MAST2: variants seen among roughly 807,000 people sequenced by gnomAD.
The protein encoded by MAST2 is microtubule associated serine/threonine kinase 2, also known as microtubule-associated serine/threonine-protein kinase 2.
A neutral mutation model predicts 147.4 loss-of-function variants in MAST2; 70 were observed. The observed-to-expected ratio is 0.47, with a 90% CI of 0.39 to 0.58. MAST2 has a LOEUF of 0.58. Ranked by LOEUF, MAST2 falls within the 20% of genes least tolerant of loss-of-function variation. The pLI is 0.00. For missense variants in MAST2, 2,080 were observed against 2,302.3 expected, an observed-to-expected ratio of 0.90 and a Z score of 1.98; for synonymous variants, 869 against 896.8, an observed-to-expected ratio of 0.97 and a Z score of 0.55.
intron 1 of MAST2, among the ~76,000 whole-genome samples, chr1:45,820,237 ACT>A (rs1261474223): frequency 6.6e-6 from 1 of 152,208 alleles, no homozygotes; most frequent in Non-Finnish European, 1.5e-5. Flanking sequence ...TAAACTGCAA[ACT>A]CTGAAACTAC....
chr1:45,852,813 T>C (rs954398692), intron 3 of MAST2, among the ~76,000 whole-genome samples: 2 of 120,550 alleles, frequency 1.7e-5, no homozygotes, highest in African/African-American at 5.9e-5. Context: ...AGTATTCCAT[T>C]GTATGGTCAC....
At chr1:45,977,500 C>A (rs939898369) in intron 5 of MAST2, among the ~76,000 whole-genome samples, 5 of 150,514 alleles carry the variant, frequency 3.3e-5, no homozygotes, top group African/African-American at 1.2e-4. Flanking sequence ...AACAAACAAA[C>A]AAACAAACAA....
At chr1:45,973,870 T>C (rs979996645) in intron 5 of MAST2, among the ~76,000 whole-genome samples, 3 of 152,194 alleles carry the variant, frequency 2.0e-5, no homozygotes, top group African/African-American at 7.2e-5. Flanking sequence ...AGTGTTGACA[T>C]TGATTAGCTG....
At chr1:45,905,625 A>G (rs1234696424) in intron 4 of MAST2, among the ~76,000 whole-genome samples, 1 of 152,154 alleles carries the variant, frequency 6.6e-6, no homozygotes, top group African/African-American at 2.4e-5. Context: ...AAACACAAAA[A>G]ATTAGCTGGG....
At chr1:46,015,832 A>G (rs1389637474) in intron 10 of MAST2, among the ~76,000 whole-genome samples, 4 of 152,250 alleles carry the variant, frequency 2.6e-5, no homozygotes, top group African/African-American at 7.2e-5. Flanking sequence ...TTATGATGCC[A>G]GCATCATCCT....
intron 4 of MAST2, among the ~76,000 whole-genome samples, chr1:45,935,934 G>A (rs947625551): frequency 1.3e-5 from 2 of 152,130 alleles, no homozygotes; most frequent in African/African-American, 2.4e-5. Context: ...TGTGAAAAAC[G>A]TCGTTGGTAG....
At chr1:45,834,108 G>C (rs559291435) in intron 3 of MAST2, among the ~76,000 whole-genome samples, 1 of 152,198 alleles carries the variant, frequency 6.6e-6, no homozygotes, top group South Asian at 2.1e-4. Flanking sequence ...TCTCTTTGGA[G>C]TAACGGCCGT....
chr1:46,006,202 C>T, intron 7 of MAST2, 39 bp from the exon 8 acceptor site: 1 of 1,587,068 alleles, frequency 6.3e-7, no homozygotes, highest in Non-Finnish European at 8.6e-7. Context: ...TGCTCTGGGA[C>T]ATGTCTTTAA....
chr1:46,002,706 G>C, intron 6 of MAST2, 99 bp from the exon 7 acceptor site: 1 of 966,310 alleles, frequency 1.0e-6, no homozygotes, highest in Non-Finnish European at 1.7e-6. Context: ...GAGCCCTACA[G>C]TGAATCAACT....
At chr1:45,941,881 C>T (rs1379309887) in intron 4 of MAST2, among the ~76,000 whole-genome samples, 1 of 152,126 alleles carries the variant, frequency 6.6e-6, no homozygotes, top group Non-Finnish European at 1.5e-5. Context: ...TATTGTAACA[C>T]AATTATGAAG....
intron 4 of MAST2, among the ~76,000 whole-genome samples, chr1:45,883,195 CAAA>C (rs1042061158): frequency 6.6e-6 from 1 of 151,818 alleles, no homozygotes; most frequent in African/African-American, 2.4e-5. Context: ...TTTTCCTTAA[CAAA>C]AAAAGAGATG....
At chr1:45,979,485 G>T (rs377296008) in intron 5 of MAST2, among the ~76,000 whole-genome samples, 11 of 151,068 alleles carry the variant, frequency 7.3e-5, no homozygotes, top group Admixed American at 2.0e-4. Flanking sequence ...CTTAAGGAAG[G>T]ATTCTTCTCA....
At chr1:45,994,784 C>A (rs1644990068) in intron 5 of MAST2, among the ~76,000 whole-genome samples, 1 of 152,106 alleles carries the variant, frequency 6.6e-6, no homozygotes, top group South Asian at 2.1e-4. Flanking sequence ...TTCTTTACTA[C>A]ACAACAGCTG....
In MAST2 at chr1:45,960,597, G is replaced by A. The variant is rs555844961; in HGVS notation, c.592+1120G>A. ...AGAGGGGCAGAAGAAAGACCTCATC[G>A]GAGTCAGCCATGTGCTTCTGTGTAG... is the stretch of plus-strand genomic sequence containing the variant. On this transcript the variant is annotated intron_variant, in intron 5 of 28. Coordinates refer to ENST00000361297, the MANE Select transcript of MAST2 (RefSeq NM_015112.3). 5.3e-5 allele frequency among the ~76,000 whole-genome samples: 8 copies of A among 152,316 alleles called. No individual in the cohort carries two copies. The South Asian group carries it at 6.2e-4, about 12-fold the overall frequency.
intron 8 of MAST2, 75 bp downstream of exon 8, chr1:46,006,470 C>T: frequency 6.8e-7 from 1 of 1,479,570 alleles, no homozygotes; most frequent in Non-Finnish European, 9.1e-7. Flanking sequence ...GGTGGGCACA[C>T]TATGCTATAA....
intron 4 of MAST2, among the ~76,000 whole-genome samples, chr1:45,929,145 T>C (rs1202241786): frequency 9.2e-5 from 14 of 152,194 alleles, no homozygotes; most frequent in Admixed American, 9.2e-4. Flanking sequence ...TTCTTAGGAG[T>C]TTGCAAAAGA....
chr1:46,008,379 T>A lies in MAST2; in HGVS notation c.978+8T>A, dbSNP rs1292416452. On this transcript the variant is annotated splice_region_variant and intron_variant, in intron 9 of 28. Transcript: ENST00000361297. ...AAAGAAAGATTCCCAAAGGTAAGGA[T>A]CCATTTAAAAGGAGAGTGGCAATAC... 1.2e-6 allele frequency: 2 copies of A among 1,606,038 alleles called. No individual in the cohort carries two copies. The highest frequency in any genetic ancestry group is 2.2e-5 in the East Asian group (1 of 44,834).
chr1:46,031,023 T>C lies in MAST2; in HGVS notation c.2725T>C (p.Ser909Pro), dbSNP rs1217844278. The C allele has an allele frequency of 6.2e-7, 1 of 1,613,458 alleles. No individual in the cohort carries two copies. The highest frequency in any genetic ancestry group is 2.2e-5 in the East Asian group (1 of 44,872). Residue 909 changes from serine (S) to proline (P), a missense_variant, in exon 23 of 29, where the codon TCG becomes CCG. Coordinates refer to ENST00000361297, the MANE Select transcript of MAST2 (RefSeq NM_015112.3). This position sits in a 1 kb window ranked among gnomAD's most constrained non-coding sequence, Gnocchi z 4.1. ...GTCTCATAGATTACGGAAGCGGCTG[T>C]CGGTGTCTGAGTCATCCCACACAGA... ...GSPEILRKRL[S>P]VSESSHTESD...
At chr1:45,851,083 C>G (rs536205963) in intron 3 of MAST2, among the ~76,000 whole-genome samples, 2 of 152,176 alleles carry the variant, frequency 1.3e-5, no homozygotes, top group African/African-American at 4.8e-5. Flanking sequence ...AGTATTGATT[C>G]TTCTAATCCA....
Sources: gnomAD v4.1 joint callset for allele counts (sites outside exome capture counted in the v4.1 genomes callset) on GRCh38, gnomAD v4.1.1 for gene constraint, Gnocchi (gnomAD v3.1) non-coding constraint, MANE v1.5 for transcripts, NCBI Gene and HGNC (gene_info 2026-07-23, HGNC 2026-07-21) for gene names.